Variants in KLRG1 observed in about 807,000 individuals in gnomAD.
The protein encoded by KLRG1 is killer cell lectin-like receptor subfamily G member 1.
KLRG1 carries 16 observed loss-of-function variants against 21.8 expected under a neutral mutation model. The observed-to-expected ratio is 0.73, with a 90% CI of 0.50 to 1.11. The LOEUF is 1.11. Ranked by LOEUF, KLRG1 falls within the 50% of genes most tolerant of loss-of-function variation. The pLI, the probability that KLRG1 is intolerant of heterozygous loss-of-function variation, is 0.00. For missense variants in KLRG1, 173 were observed against 218.3 expected (o/e 0.79, Z 1.31); for synonymous variants, 69 against 75.9 (o/e 0.91, Z 0.47).
the KLRG1 span, among the ~76,000 whole-genome samples, chr12:9,097,266 A>G: frequency 8.1e-4 from 120 of 148,804 alleles, no homozygotes; most frequent in African/African-American, 3.0e-3. Flanking sequence ...TAGAAGGACA[A>G]ACAAGTAAGA....
At chr12:9,010,840 T>G (rs1200097313), downstream of KLRG1, 1 of 152,244 alleles carries the variant, frequency 6.6e-6, no homozygotes, top group Non-Finnish European at 1.5e-5. Flanking sequence ...TAATCCTCCC[T>G]AACTCACCAA....
chr12:9,099,148 A>C, the KLRG1 span, among the ~76,000 whole-genome samples: 3 of 152,298 alleles, frequency 2.0e-5, no homozygotes, highest in African/African-American at 7.2e-5. Flanking sequence ...GAAGGGAATA[A>C]CATACTCTGA....
At chr12:9,139,736 G>T in the KLRG1 span, among the ~76,000 whole-genome samples, 1 of 152,096 alleles carries the variant, frequency 6.6e-6, no homozygotes, top group Admixed American at 6.6e-5. Context: ...TCTGATATAA[G>T]TGTAGCCACT....
the KLRG1 span, among the ~76,000 whole-genome samples, chr12:9,179,146 C>T: frequency 1.2e-4 from 18 of 152,104 alleles, no homozygotes; most frequent in African/African-American, 3.1e-4. Context: ...GTTCCAAACA[C>T]GAGTAATCTA....
the KLRG1 span, among the ~76,000 whole-genome samples, chr12:9,105,301 A>G: frequency 6.6e-6 from 1 of 152,256 alleles, no homozygotes; most frequent in Non-Finnish European, 1.5e-5. Flanking sequence ...TTCTAGCTAG[A>G]GAGTCTTATG....
chr12:9,028,865 G>A, the KLRG1 span: 2 of 642,368 alleles, frequency 3.1e-6, no homozygotes, highest in Admixed American at 3.6e-5. Context: ...CACTTGTGTG[G>A]CCTTGCATTC....
intron 3 of KLRG1, among the ~76,000 whole-genome samples, chr12:8,996,298 G>A (rs1947128021): frequency 6.6e-6 from 1 of 152,094 alleles, no homozygotes; most frequent in East Asian, 1.9e-4. Flanking sequence ...ACATCCTGAG[G>A]TTGCCTAGTA....
At chr12:8,960,287 C>T (rs1946361671) in intron 1 of KLRG1, among the ~76,000 whole-genome samples, 1 of 152,104 alleles carries the variant, frequency 6.6e-6, no homozygotes, top group African/African-American at 2.4e-5. Context: ...AAGGCAAAGA[C>T]TAAGATTTGT....
At chr12:9,165,440 C>G in the KLRG1 span, 1 of 1,538,590 alleles carries the variant, frequency 6.5e-7, no homozygotes, top group South Asian at 1.2e-5. Context: ...AATTAATATG[C>G]ATAAAGCTAA....
chr12:9,214,079 GA>G, the KLRG1 span, among the ~76,000 whole-genome samples: 2 of 151,796 alleles, frequency 1.3e-5, no homozygotes, highest in South Asian at 4.1e-4. Context: ...CATTTATGTT[GA>G]AAATATTATC....
the KLRG1 span, among the ~76,000 whole-genome samples, chr12:9,053,108 C>T: frequency 1.3e-5 from 2 of 152,096 alleles, no homozygotes; most frequent in African/African-American, 2.4e-5. Flanking sequence ...CTGGGCACTT[C>T]GGGTTCCTTG....
the KLRG1 span, among the ~76,000 whole-genome samples, chr12:9,210,676 C>A: frequency 4.6e-5 from 7 of 152,172 alleles, no homozygotes; most frequent in East Asian, 1.2e-3. Flanking sequence ...ACCTTGTATA[C>A]CATTACTGGA....
chr12:9,062,241 G>A, the KLRG1 span, among the ~76,000 whole-genome samples: 4 of 91,284 alleles, frequency 4.4e-5, no homozygotes, highest in Middle Eastern at 8.9e-3. Context: ...GATGGATAAT[G>A]TATCTGATAT....
the KLRG1 span, among the ~76,000 whole-genome samples, chr12:9,204,194 T>C: frequency 6.6e-6 from 1 of 152,206 alleles, no homozygotes; most frequent in Non-Finnish European, 1.5e-5. Context: ...TCCAAGATGT[T>C]ACAATTTCAC....
At chr12:9,012,192 C>T (rs907411154), downstream of KLRG1, among the ~76,000 whole-genome samples, 32 of 152,248 alleles carry the variant, frequency 2.1e-4, no homozygotes, top group African/African-American at 7.2e-4. Context: ...GGCAGTGGAG[C>T]TTGCAGCTCT....
At chr12:9,038,218 G>A in the KLRG1 span, among the ~76,000 whole-genome samples, 7 of 152,284 alleles carry the variant, frequency 4.6e-5, no homozygotes, top group African/African-American at 1.7e-4. Flanking sequence ...CTGTGATTGT[G>A]CCACAGCACT....
At chr12:9,024,162 G>A in the KLRG1 span, among the ~76,000 whole-genome samples, 1 of 150,738 alleles carries the variant, frequency 6.6e-6, no homozygotes, top group African/African-American at 2.4e-5. Context: ...TGAGTAGCTG[G>A]GATCACAGGT....
chr12:9,015,557 T>A (rs1171447463), downstream of KLRG1, among the ~76,000 whole-genome samples: 1 of 152,166 alleles, frequency 6.6e-6, no homozygotes, highest in East Asian at 1.9e-4. Flanking sequence ...AATGCAATAA[T>A]AGCTGAAGAT....
chr12:9,038,499 C>T, the KLRG1 span, among the ~76,000 whole-genome samples: 1 of 152,090 alleles, frequency 6.6e-6, no homozygotes, highest in East Asian at 1.9e-4. Context: ...CGGACTTTAA[C>T]GAAATCTACA....
Sources: gnomAD v4.1 joint callset for allele counts (sites outside exome capture counted in the v4.1 genomes callset) on GRCh38, gnomAD v4.1.1 for gene constraint, MANE v1.5 for transcripts, NCBI Gene and HGNC (gene_info 2026-07-23, HGNC 2026-07-21) for gene names.